The following KDM1A variants were observed in gnomAD, a reference collection of about 807,000 sequenced individuals.
KDM1A encodes the protein lysine-specific histone demethylase 1A.
KDM1A carries 49 observed loss-of-function variants against 109.4 expected under a neutral mutation model. The observed-to-expected ratio is 0.45, with a 90% CI of 0.36 to 0.57. The LOEUF (loss-of-function observed/expected upper bound fraction) is 0.57. Among genes scored for constraint, KDM1A ranks in the 20% least tolerant of loss-of-function variants. The pLI, the probability that KDM1A is intolerant of heterozygous loss-of-function variation, is 0.00. For missense variants in KDM1A, 668 were observed against 1,116.6 expected (o/e 0.60, Z 5.73); for synonymous variants, 380 against 415.4 (o/e 0.91, Z 1.04).
Position 23,019,930 on chromosome 1 carries a change from C to A in KDM1A, c.334C>A (p.Arg112=). ...AETPEGRRTS[R]RKRAKVEYRE... is the part of the protein sequence containing the mutation. ...GACTCCGGAGGGGCGTCGGACCAGC[C>A]GGCGCAAGCGGGCGAAGGTAAGGCT... Residue 112 remains arginine, a synonymous_variant, in exon 1 of 21, where the codon CGG becomes AGG. Coordinates refer to ENST00000400181, the MANE Select transcript of KDM1A (RefSeq NM_001009999.3). The A allele has an allele frequency of 6.4e-7, 1 of 1,568,112 alleles. No homozygotes were observed. Among genetic ancestry groups the A allele is most frequent in the African/African-American group, 1.4e-5 (1 of 71,002 alleles).
chr1:23,073,379 T>C lies in KDM1A; in HGVS notation c.1710T>C (p.Thr570=). The C allele has an allele frequency of 6.2e-7, 1 of 1,607,764 alleles. No homozygotes were observed. The highest frequency in any genetic ancestry group is 1.1e-5 in the South Asian group (1 of 90,962). Residue 570 remains threonine, a synonymous_variant, in exon 15 of 21, where the codon ACT becomes ACC. Transcript: ENST00000400181. ...LEFANATPLS[T]LSLKHWDQDD... is the part of the protein sequence containing the mutation. ...TTGCTAATGCCACACCTCTCTCAACTCTCTCCCTTAAGCACTGGGATCAGG... is the reference window on the plus strand; with the variant it reads ...TTGCTAATGCCACACCTCTCTCAACCCTCTCCCTTAAGCACTGGGATCAGG...
chr1:23,067,687 T>C (rs1036760855), intron 10 of KDM1A, among the ~76,000 whole-genome samples: 3 of 152,254 alleles, frequency 2.0e-5, no homozygotes, highest in Admixed American at 2.0e-4. Flanking sequence ...CTTAAACATA[T>C]TTTTTCTTTC....
intron 2 of KDM1A, among the ~76,000 whole-genome samples, chr1:23,031,170 A>G (rs945875100): frequency 6.6e-6 from 1 of 152,180 alleles, no homozygotes; most frequent in Non-Finnish European, 1.5e-5. Context: ...ATGGGAGTCT[A>G]TAGTTTTGGT....
At chr1:23,081,920 C>CTTTAGGATTCCTTTGAAGGG (rs1643630463) in intron 19 of KDM1A, 1 of 429,412 alleles carries the variant, frequency 2.3e-6, no homozygotes, top group Non-Finnish European at 4.2e-6. Context: ...TACTTTAACC[C>CTTTAGGATTCCTTTGAAGGG]TTTAGGATTC....
chr1:23,073,591 A>G (rs377364155), intron 15 of KDM1A, among the ~76,000 whole-genome samples, 188 bp downstream of exon 15: 18 of 152,278 alleles, frequency 1.2e-4, no homozygotes, highest in African/African-American at 4.3e-4. Context: ...CCCCCACACA[A>G]TCAGAATATA....
At chr1:23,076,263 AT>A (rs1221710872) in intron 15 of KDM1A, among the ~76,000 whole-genome samples, 1 of 152,166 alleles carries the variant, frequency 6.6e-6, no homozygotes, top group Non-Finnish European at 1.5e-5. Flanking sequence ...TACAAAAAAA[AT>A]GTTACATAGA....
At chr1:23,074,940 C>A (rs940783093) in intron 15 of KDM1A, among the ~76,000 whole-genome samples, 5 of 152,100 alleles carry the variant, frequency 3.3e-5, no homozygotes, top group Non-Finnish European at 1.5e-5. Flanking sequence ...CAACTTTGTT[C>A]ATTTTTGAAA....
At chr1:23,050,811 G>A (rs530813309) in intron 4 of KDM1A, among the ~76,000 whole-genome samples, 63 of 152,156 alleles carry the variant, frequency 4.1e-4, no homozygotes, top group African/African-American at 1.4e-3. Flanking sequence ...TAGGCTGGGC[G>A]TGGTGGCTCA....
chr1:23,029,355 T>C (rs1641906496), intron 1 of KDM1A, among the ~76,000 whole-genome samples: 1 of 152,208 alleles, frequency 6.6e-6, no homozygotes, highest in Non-Finnish European at 1.5e-5. Context: ...TTTTAATTGA[T>C]TCCATAATAA....
At chr1:23,082,820 C>T (rs1643660255) in intron 20 of KDM1A, 2 of 207,856 alleles carry the variant, frequency 9.6e-6, no homozygotes, top group South Asian at 1.1e-4. Context: ...TGCTGAGCTG[C>T]GAGGCTTAAG....
intron 12 of KDM1A, among the ~76,000 whole-genome samples, chr1:23,070,164 T>C (rs1643275788): frequency 6.6e-6 from 1 of 152,228 alleles, no homozygotes; most frequent in African/African-American, 2.4e-5. Flanking sequence ...AAAGCTAACA[T>C]TAACAATGGT....
At chr1:23,030,062 G>C (rs374569799) in intron 1 of KDM1A, among the ~76,000 whole-genome samples, 1 of 152,202 alleles carries the variant, frequency 6.6e-6, no homozygotes, top group Admixed American at 6.5e-5. Context: ...CCCTGGAGTA[G>C]TAGTTAGAAG....
Position 23,019,496 on chromosome 1 carries a change from GGC to G in KDM1A, c.-95_-94del. ...GCGTGCGTACGCGACGGCGGTTGGC[GGC>G]GCGCGGGCAGCGTGAAGCGAGGCGA... On this transcript the variant is annotated 5_prime_UTR_variant, in exon 1 of 21. Transcript: ENST00000400181. The G allele has an allele frequency of 7.7e-7, 1 of 1,295,592 alleles. No homozygotes were observed. Among genetic ancestry groups the G allele is most frequent in the Non-Finnish European group, 9.8e-7 (1 of 1,022,368 alleles). The allele number at this position is 1,295,592 out of a possible 1,614,324, so 80.3% of individuals were successfully genotyped here.
chr1:23,037,129 T>TATAC (rs112388712), intron 2 of KDM1A, among the ~76,000 whole-genome samples: 110 of 147,730 alleles, frequency 7.4e-4, no homozygotes, highest in Middle Eastern at 3.4e-3. Flanking sequence ...AAAATATATA[T>TATAC]ACACACACAC....
At chr1:23,046,559 A>C (rs914272997) in intron 3 of KDM1A, among the ~76,000 whole-genome samples, 2 of 152,182 alleles carry the variant, frequency 1.3e-5, no homozygotes, top group Non-Finnish European at 2.9e-5. Flanking sequence ...TCAAGATGCT[A>C]CCTATATCTT....
intron 2 of KDM1A, among the ~76,000 whole-genome samples, chr1:23,042,679 C>T (rs1359990689): frequency 6.6e-6 from 1 of 151,164 alleles, no homozygotes; most frequent in East Asian, 1.9e-4. Context: ...GTCTCGATCT[C>T]CTGACCTCGT....
intron 4 of KDM1A, among the ~76,000 whole-genome samples, chr1:23,051,039 C>T (rs568320038): frequency 4.6e-5 from 7 of 152,074 alleles, no homozygotes; most frequent in South Asian, 2.1e-4. Flanking sequence ...GAGCCGAGAT[C>T]GTGCCACTGC....
chr1:23,050,186 T>A lies in KDM1A; in HGVS notation c.578-201T>A, dbSNP rs532311312. Among the ~76,000 whole-genome samples, 233 of 152,370 alleles carry A rather than the reference T, an allele frequency of 1.5e-3. 1 individual carries two copies. Among genetic ancestry groups the A allele is most frequent in the Non-Finnish European group, 2.5e-3 (168 of 68,030 alleles). Reference sequence around the variant, plus strand: ...TAAATGCTTTGTCTTATAAGGTAGTTGTTTCACTCAGTAAAGTATAAACTT... The same window carrying A: ...TAAATGCTTTGTCTTATAAGGTAGTAGTTTCACTCAGTAAAGTATAAACTT... On this transcript the variant is annotated intron_variant, in intron 3 of 20. Transcript: ENST00000400181.
chr1:23,040,746 C>G (rs1642290225), intron 2 of KDM1A, among the ~76,000 whole-genome samples: 1 of 152,100 alleles, frequency 6.6e-6, no homozygotes, highest in Admixed American at 6.5e-5. Context: ...TGTGATTGCA[C>G]CACTGTACTC....
Sources: gnomAD v4.1 joint callset for allele counts (sites outside exome capture counted in the v4.1 genomes callset) on GRCh38, gnomAD v4.1.1 for gene constraint, MANE v1.5 for transcripts, NCBI Gene and HGNC (gene_info 2026-07-23, HGNC 2026-07-21) for gene names.